SLC25A12: variants seen among roughly 807,000 people sequenced by gnomAD.
SLC25A12 encodes solute carrier family 25 member 12.
A neutral mutation model predicts 83.3 loss-of-function variants in SLC25A12; 32 were observed. That is an observed-to-expected ratio of 0.38 (90% CI 0.29 to 0.52). The LOEUF (loss-of-function observed/expected upper bound fraction) is 0.52, where lower values mean the gene tolerates loss of function less well. SLC25A12 is among the 20% of genes least tolerant of loss of function. SLC25A12 has a pLI of 0.84. For missense variants in SLC25A12, 611 were observed against 835.6 expected (o/e 0.73, Z 3.31); for synonymous variants, 267 against 291.1 (o/e 0.92, Z 0.84).
At chr2:171,821,552 T>C (rs1483295732) in intron 9 of SLC25A12, among the ~76,000 whole-genome samples, 2 of 152,206 alleles carry the variant, frequency 1.3e-5, no homozygotes, top group African/African-American at 4.8e-5. Context: ...TAGCATCCCA[T>C]TGCAGTTTTA....
intron 3 of SLC25A12, 60 bp downstream of exon 3, chr2:171,868,621 T>A (rs1397188657): frequency 6.4e-6 from 10 of 1,573,550 alleles, no homozygotes; most frequent in South Asian, 1.1e-5. Context: ...GCTGGTTTTT[T>A]AAATTTTTAA....
At chr2:171,889,465 C>CT (rs1274152882) in intron 2 of SLC25A12, among the ~76,000 whole-genome samples, 27 of 152,172 alleles carry the variant, frequency 1.8e-4, no homozygotes, top group Non-Finnish European at 1.5e-5. Context: ...TCAGTAGCCT[C>CT]TCAGCTTATC....
At chr2:171,868,569 C>A in intron 3 of SLC25A12, 112 bp downstream of exon 3, 1 of 1,083,264 alleles carries the variant, frequency 9.2e-7, no homozygotes. Flanking sequence ...CCGCCTCAGC[C>A]TTCCAAAGCG....
intron 8 of SLC25A12, among the ~76,000 whole-genome samples, chr2:171,831,145 G>T (rs981248606): frequency 6.6e-6 from 1 of 152,200 alleles, no homozygotes; most frequent in Non-Finnish European, 1.5e-5. Context: ...CTTCTCAGTT[G>T]ACTGGACTAT....
chr2:171,789,808 C>T lies in SLC25A12; in HGVS notation c.1585+1643G>A, dbSNP rs545838333. Among the ~76,000 whole-genome samples the T allele has an allele frequency of 5.3e-5, 8 of 151,932 alleles. No individual in the cohort carries two copies. In the East Asian group the frequency reaches 5.8e-4, roughly 11 times the overall value. ...ACTTGGGAGGCTGACACAGGAGAAT[C>T]GCTTGAACCCGGGAGGCAGAGGTTG... On this transcript the variant is annotated intron_variant, in intron 15 of 17. Coordinates refer to ENST00000422440, the MANE Select transcript of SLC25A12 (RefSeq NM_003705.5).
At chr2:171,809,837 T>C in intron 12 of SLC25A12, 151 bp from the exon 13 acceptor site, 1 of 706,884 alleles carries the variant, frequency 1.4e-6, no homozygotes, top group Non-Finnish European at 2.6e-6. Flanking sequence ...GTACAAATTC[T>C]GCGACAGTGT....
Position 171,787,597 on chromosome 2 carries a change from C to T in SLC25A12, c.1809G>A (p.Arg603=). 1.2e-6 allele frequency: 2 copies of T among 1,614,080 alleles called. No homozygotes were observed. Among genetic ancestry groups the T allele is most frequent in the Non-Finnish European group, 1.7e-6 (2 of 1,179,952 alleles). ...VTLVTYELLQ[R]WFYIDFGGLK... Reference sequence around the variant, plus strand: ...GGCCTCCAAAATCAATGTAAAACCACCGCTGGAGAAGTTCATAAGTGACCA... The same window carrying T: ...GGCCTCCAAAATCAATGTAAAACCATCGCTGGAGAAGTTCATAAGTGACCA... Residue 603 remains arginine, a synonymous_variant, in exon 17 of 18, where the codon CGG becomes CGA. Coordinates refer to ENST00000422440, the MANE Select transcript of SLC25A12 (RefSeq NM_003705.5).
chr2:171,805,114 G>T (rs1464399200), intron 13 of SLC25A12, among the ~76,000 whole-genome samples: 4 of 141,052 alleles, frequency 2.8e-5, no homozygotes, highest in South Asian at 2.3e-4. Context: ...TTTGTTTTTT[G>T]TTTTTTTTTT....
intron 4 of SLC25A12, among the ~76,000 whole-genome samples, chr2:171,849,448 G>A (rs913718433): frequency 1.3e-5 from 2 of 150,810 alleles, no homozygotes; most frequent in African/African-American, 4.9e-5. Flanking sequence ...GAATACTCAG[G>A]TGAAGCTCTA....
intron 5 of SLC25A12, among the ~76,000 whole-genome samples, chr2:171,840,646 C>T (rs556035756): frequency 6.6e-6 from 1 of 151,752 alleles, no homozygotes; most frequent in Non-Finnish European, 1.5e-5. Context: ...AAATAGAAGG[C>T]TCAGAAGGAA....
intron 2 of SLC25A12, among the ~76,000 whole-genome samples, chr2:171,881,150 G>T (rs149952363): frequency 0.023 from 3,484 of 150,526 alleles, 63 homozygotes; most frequent in Admixed American, 0.071. Context: ...TTCTTTTTTT[G>T]TTGTTGTTGT....
chr2:171,868,311 ATT>A (rs71013084), intron 3 of SLC25A12, among the ~76,000 whole-genome samples: 4 of 129,510 alleles, frequency 3.1e-5, no homozygotes, highest in Non-Finnish European at 4.7e-5. Context: ...GGGTTTTTTA[ATT>A]TTTTTTTTTT....
rs1243868306 is a variant in SLC25A12, at chr2:171,812,853, T to C, written c.1171+486A>G. ...TGGCTCATTGGAAAAAATTTATAAA[T>C]GGTCCCTGAAAGAGACAAAAACATT... On this transcript the variant is annotated intron_variant, in intron 11 of 17. Coordinates refer to ENST00000422440, the MANE Select transcript of SLC25A12 (RefSeq NM_003705.5). 2.0e-5 allele frequency among the ~76,000 whole-genome samples: 3 copies of C among 151,350 alleles called. No homozygotes were observed. The East Asian group carries it at 5.9e-4, about 30-fold the overall frequency.
At chr2:171,794,924 C>T (rs1683569863) in intron 13 of SLC25A12, among the ~76,000 whole-genome samples, 1 of 152,140 alleles carries the variant, frequency 6.6e-6, no homozygotes, top group African/African-American at 2.4e-5. Flanking sequence ...CAGTGCTCAA[C>T]CTTTGCCCAC....
At chr2:171,793,435 T>C (rs1484120641) in intron 14 of SLC25A12, among the ~76,000 whole-genome samples, 192 bp downstream of exon 14, 1 of 152,172 alleles carries the variant, frequency 6.6e-6, no homozygotes, top group African/African-American at 2.4e-5. Context: ...AAAAGCCTGA[T>C]GACAACAGGA....
intron 2 of SLC25A12, among the ~76,000 whole-genome samples, chr2:171,869,900 C>T (rs1685421828): frequency 6.6e-6 from 1 of 152,186 alleles, no homozygotes; most frequent in South Asian, 2.1e-4. Context: ...TACAAGTTTT[C>T]AGAGAGAAAA....
At chr2:171,873,426 C>CGACA (rs1284956165) in intron 2 of SLC25A12, among the ~76,000 whole-genome samples, 2 of 151,758 alleles carry the variant, frequency 1.3e-5, no homozygotes, top group African/African-American at 4.8e-5. Flanking sequence ...CCAGCCTGTG[C>CGACA]GACAGAGCAA....
chr2:171,873,293 A>G (rs1573999375), intron 2 of SLC25A12, among the ~76,000 whole-genome samples: 1 of 152,204 alleles, frequency 6.6e-6, no homozygotes, highest in East Asian at 1.9e-4. Context: ...CTAAAAATAC[A>G]AAAAATTAGC....
chr2:171,844,511 TAAAAGGGAA>T lies in SLC25A12; in HGVS notation c.326-12_326-4del. 6.4e-7 allele frequency: 1 copy of T among 1,559,292 alleles called. No individual in the cohort carries two copies. The highest frequency in any genetic ancestry group is 8.8e-7 in the Non-Finnish European group (1 of 1,130,508). On this transcript the variant is annotated splice_polypyrimidine_tract_variant and splice_region_variant and intron_variant, in intron 4 of 17. Transcript: ENST00000422440. ...TCCAAAAATTTCTTTGACATTTTCTTAAAAGGGAAAACAAAAATAAATCAATTATATCTG... is the reference window on the plus strand; with the variant it reads ...TCCAAAAATTTCTTTGACATTTTCTTAACAAAAATAAATCAATTATATCTG...
Sources: allele counts gnomAD v4.1 joint callset (sites outside exome capture counted in the v4.1 genomes callset), GRCh38; gene constraint gnomAD v4.1.1; transcripts MANE v1.5; gene names NCBI Gene and HGNC (gene_info 2026-07-23, HGNC 2026-07-21).